CNTNAP5: variants seen among roughly 807,000 people sequenced by gnomAD.
CNTNAP5 encodes contactin-associated protein-like 5.
A neutral mutation model predicts 150.2 loss-of-function variants in CNTNAP5; 72 were observed. The observed-to-expected ratio is 0.48, with a 90% confidence interval of 0.40 to 0.58. CNTNAP5 has a LOEUF of 0.58. CNTNAP5 is among the 20% of genes least tolerant of loss of function. The probability of loss-of-function intolerance (pLI) is 0.00; values close to 1 mark genes in which losing one functional copy is unlikely to be tolerated. For missense variants in CNTNAP5, 1,636 were observed against 1,626.2 expected, an observed-to-expected ratio of 1.01 and a Z score of -0.10; for synonymous variants, 672 against 619.8, an observed-to-expected ratio of 1.08 and a Z score of -1.25.
intron 3 of CNTNAP5, among the ~76,000 whole-genome samples, chr2:124,283,587 G>A (rs1475473481): frequency 2.0e-5 from 3 of 152,138 alleles, no homozygotes; most frequent in African/African-American, 7.2e-5. Flanking sequence ...ACTCTGTCTT[G>A]GCAATATTAA....
chr2:124,343,631 T>C (rs1689669735), intron 3 of CNTNAP5, among the ~76,000 whole-genome samples: 1 of 152,156 alleles, frequency 6.6e-6, no homozygotes, highest in Non-Finnish European at 1.5e-5. Context: ...TAGAGAAACT[T>C]TTACTCTTTG....
In CNTNAP5 at chr2:124,536,517, C is replaced by T. The variant is rs187814108; in HGVS notation, c.1649+9061C>T. 5.3e-5 allele frequency among the ~76,000 whole-genome samples: 8 copies of T among 152,140 alleles called. No individual in the cohort carries two copies. In the East Asian group the frequency reaches 5.8e-4, roughly 11 times the overall value. ...GAGAACCACCACGTTGTTCGGTGATCGCCGTTTTCTACATAAGACAACCAA... is the reference window on the plus strand; with the variant it reads ...GAGAACCACCACGTTGTTCGGTGATTGCCGTTTTCTACATAAGACAACCAA... On this transcript the variant is annotated intron_variant, in intron 10 of 23. Coordinates refer to ENST00000682447, the MANE Select transcript of CNTNAP5 (RefSeq NM_001367498.1).
chr2:124,154,168 T>C (rs1309403873), intron 1 of CNTNAP5, among the ~76,000 whole-genome samples: 3 of 152,190 alleles, frequency 2.0e-5, no homozygotes, highest in Non-Finnish European at 4.4e-5. Context: ...TCTTGTGGGC[T>C]TTCCTTGTGA....
chr2:124,452,540 G>C (rs189867943), intron 6 of CNTNAP5, among the ~76,000 whole-genome samples: 9 of 152,232 alleles, frequency 5.9e-5, no homozygotes, highest in African/African-American at 1.4e-4. Flanking sequence ...ATACTACTAA[G>C]GCTGATGCTT....
At chr2:124,516,491 G>A (rs1355457905) in intron 8 of CNTNAP5, among the ~76,000 whole-genome samples, 1 of 152,172 alleles carries the variant, frequency 6.6e-6, no homozygotes, top group African/African-American at 2.4e-5. Context: ...GAGATATTAA[G>A]AAATCTGTCT....
intron 11 of CNTNAP5, among the ~76,000 whole-genome samples, chr2:124,598,283 T>C (rs1234699288): frequency 1.0e-5 from 1 of 99,262 alleles, no homozygotes; most frequent in Non-Finnish European, 2.1e-5. Flanking sequence ...TTTTATCTAC[T>C]TTTGGTCTTT....
rs1250182159 is a variant in CNTNAP5, at chr2:124,025,752, G to C, written c.82+20G>C. On this transcript the variant is annotated intron_variant, in intron 1 of 23. Coordinates refer to ENST00000682447, the MANE Select transcript of CNTNAP5 (RefSeq NM_001367498.1). Reference sequence around the variant, plus strand: ...CAAACTGTGAGTACGAGGAGCTGGGGGCGGGAAGGTGAGGTGGAAAACGAT... The same window carrying C: ...CAAACTGTGAGTACGAGGAGCTGGGCGCGGGAAGGTGAGGTGGAAAACGAT... 1 of 1,589,282 alleles carries C rather than the reference G, an allele frequency of 6.3e-7. No individual in the cohort carries two copies. Among genetic ancestry groups the C allele is most frequent in the Non-Finnish European group, 8.6e-7 (1 of 1,157,580 alleles).
At chr2:124,028,781 C>G (rs1680964624) in intron 1 of CNTNAP5, among the ~76,000 whole-genome samples, 1 of 152,098 alleles carries the variant, frequency 6.6e-6, no homozygotes, top group Admixed American at 6.5e-5. Context: ...GCTAAGCGTT[C>G]AAATACCTAT....
intron 6 of CNTNAP5, among the ~76,000 whole-genome samples, chr2:124,465,652 G>T (rs1487073639): frequency 2.6e-5 from 4 of 152,166 alleles, no homozygotes; most frequent in South Asian, 4.2e-4. Flanking sequence ...ATTTTAAGGA[G>T]GTATTCCACA....
chr2:124,392,103 A>ATCTC (rs1247259789), intron 3 of CNTNAP5, among the ~76,000 whole-genome samples: 1 of 152,222 alleles, frequency 6.6e-6, no homozygotes, highest in Non-Finnish European at 1.5e-5. Context: ...GACTTCTCCC[A>ATCTC]TCTCTGTTCT....
At chr2:124,083,446 A>G (rs1682606059) in intron 1 of CNTNAP5, among the ~76,000 whole-genome samples, 2 of 152,178 alleles carry the variant, frequency 1.3e-5, no homozygotes. Flanking sequence ...TTGTAGAATT[A>G]AAGTTTTTTA....
chr2:124,410,798 C>A (rs1220862009), intron 3 of CNTNAP5, among the ~76,000 whole-genome samples: 1 of 148,914 alleles, frequency 6.7e-6, no homozygotes. Context: ...AAATTGACAC[C>A]CTAACATCAC....
intron 19 of CNTNAP5, among the ~76,000 whole-genome samples, chr2:124,829,623 C>A (rs1682671060): frequency 6.6e-6 from 1 of 151,752 alleles, no homozygotes; most frequent in South Asian, 2.1e-4. Flanking sequence ...GATAATCATG[C>A]AACAAAATTG....
intron 1 of CNTNAP5, among the ~76,000 whole-genome samples, chr2:124,210,491 A>G (rs1685977125): frequency 2.0e-5 from 3 of 152,126 alleles, no homozygotes; most frequent in South Asian, 2.1e-4. Flanking sequence ...TGGTATGTCT[A>G]AAGTTACATA....
At chr2:124,519,066 G>A (rs1469801046) in intron 8 of CNTNAP5, among the ~76,000 whole-genome samples, 1 of 148,720 alleles carries the variant, frequency 6.7e-6, no homozygotes, top group Admixed American at 6.8e-5. Flanking sequence ...TTATGCTAAG[G>A]AAAAAATGCC....
chr2:124,736,725 GGCA>G (rs1206101061), intron 13 of CNTNAP5, among the ~76,000 whole-genome samples: 2 of 152,056 alleles, frequency 1.3e-5, no homozygotes, highest in Non-Finnish European at 2.9e-5. Flanking sequence ...AGAAGCTAAA[GGCA>G]TCATAATCAT....
chr2:124,523,837 C>T (rs1350718590), intron 8 of CNTNAP5, among the ~76,000 whole-genome samples: 1 of 152,184 alleles, frequency 6.6e-6, no homozygotes, highest in Non-Finnish European at 1.5e-5. Context: ...TCTAGCTTTC[C>T]TCATCTACTT....
chr2:124,060,808 G>A (rs55822518), intron 1 of CNTNAP5, among the ~76,000 whole-genome samples: 15,785 of 152,244 alleles, frequency 0.1, 973 homozygotes, highest in East Asian at 0.33. Flanking sequence ...GTCTCTCAGA[G>A]CTGTGATTTC....
chr2:124,243,201 A>G (rs186317421), intron 3 of CNTNAP5, among the ~76,000 whole-genome samples: 1 of 152,300 alleles, frequency 6.6e-6, no homozygotes, highest in African/African-American at 2.4e-5. Context: ...ATTATTTTTC[A>G]TTGAGAAAAT....
Sources: gnomAD v4.1 joint callset for allele counts (sites outside exome capture counted in the v4.1 genomes callset) on GRCh38, gnomAD v4.1.1 for gene constraint, MANE v1.5 for transcripts, NCBI Gene and HGNC (gene_info 2026-07-23, HGNC 2026-07-21) for gene names.